The following TGFA variants were observed in gnomAD, a reference collection of about 807,000 sequenced individuals.
TGFA encodes the protein protransforming growth factor alpha.
A neutral mutation model predicts 21.7 loss-of-function variants in TGFA; 12 were observed. The ratio of observed to expected loss-of-function variants is 0.55; its 90% confidence interval spans 0.35 to 0.90. The LOEUF (loss-of-function observed/expected upper bound fraction) is 0.90, where lower values mean the gene tolerates loss of function less well. Ranked by LOEUF, TGFA falls within the 40% of genes least tolerant of loss-of-function variation. The pLI is 0.01. For missense variants in TGFA, 178 were observed against 210.8 expected (o/e 0.84, Z 0.96); for synonymous variants, 79 against 88.1 (o/e 0.90, Z 0.58).
chr2:70,532,796 A>G (rs1672852548), intron 1 of TGFA, among the ~76,000 whole-genome samples: 1 of 152,148 alleles, frequency 6.6e-6, no homozygotes, highest in Admixed American at 6.5e-5. Flanking sequence ...AACAGCCAGA[A>G]AGTGCTGTTC....
chr2:70,542,548 C>G (rs916412641), intron 1 of TGFA, among the ~76,000 whole-genome samples: 1 of 152,078 alleles, frequency 6.6e-6, no homozygotes, highest in African/African-American at 2.4e-5. Context: ...ATCAACCAAC[C>G]AACAATAAAT....
intron 3 of TGFA, among the ~76,000 whole-genome samples, chr2:70,458,458 C>A (rs555934573): frequency 1.7e-4 from 26 of 152,098 alleles, no homozygotes; most frequent in Non-Finnish European, 3.7e-4. Flanking sequence ...TCCCACCCAC[C>A]TAGGTTCCAG....
At chr2:70,547,646 A>G (rs1411770644) in intron 1 of TGFA, among the ~76,000 whole-genome samples, 4 of 149,494 alleles carry the variant, frequency 2.7e-5, no homozygotes, top group African/African-American at 9.8e-5. Context: ...GAATTCATAT[A>G]TGCTTTTAAA....
chr2:70,496,191 G>A (rs1030601308), intron 2 of TGFA, among the ~76,000 whole-genome samples: 7 of 152,064 alleles, frequency 4.6e-5, no homozygotes, highest in African/African-American at 1.7e-4. Flanking sequence ...CTTGGACACT[G>A]CTTTCCAGTT....
Position 70,450,807 on chromosome 2 carries a change from T to C in TGFA, c.*52A>G. 2.5e-6 allele frequency: 4 copies of C among 1,599,980 alleles called. No homozygotes were observed. Among genetic ancestry groups the C allele is most frequent in the Non-Finnish European group, 3.4e-6 (4 of 1,171,614 alleles). On this transcript the variant is annotated 3_prime_UTR_variant, in exon 6 of 6. Coordinates refer to ENST00000295400, the MANE Select transcript of TGFA (RefSeq NM_003236.4). ...TGGCAGTGCTGTCCTGAAGAAGCCT[T>C]TCTTTATTGATCTGCCACAGTCCAC...
chr2:70,467,042 G>T (rs1231887716), intron 2 of TGFA, among the ~76,000 whole-genome samples: 1 of 151,904 alleles, frequency 6.6e-6, no homozygotes, highest in Non-Finnish European at 1.5e-5. Context: ...TACCCTTTTG[G>T]GGGAGGGTGT....
At chr2:70,453,952 A>G (rs1312402593) in intron 4 of TGFA, among the ~76,000 whole-genome samples, 1 of 152,050 alleles carries the variant, frequency 6.6e-6, no homozygotes, top group Non-Finnish European at 1.5e-5. Context: ...CAGGGTTATA[A>G]AGGCTCCTGC....
At chr2:70,470,027 G>A (rs1279583108) in intron 2 of TGFA, among the ~76,000 whole-genome samples, 1 of 152,056 alleles carries the variant, frequency 6.6e-6, no homozygotes, top group Non-Finnish European at 1.5e-5. Context: ...CGAGAAACAA[G>A]TGTGTGTGGG....
intron 2 of TGFA, among the ~76,000 whole-genome samples, chr2:70,507,920 A>G (rs1574114985): frequency 6.6e-6 from 1 of 152,184 alleles, no homozygotes; most frequent in East Asian, 1.9e-4. Context: ...TTATCAACCT[A>G]TTTCTGTTCT....
chr2:70,475,775 C>T (rs1160772827), intron 2 of TGFA, among the ~76,000 whole-genome samples: 3 of 152,000 alleles, frequency 2.0e-5, no homozygotes, highest in African/African-American at 7.2e-5. Flanking sequence ...TGTATCCATC[C>T]AAAGATGCAC....
chr2:70,504,574 G>A (rs1671864019), intron 2 of TGFA, among the ~76,000 whole-genome samples: 1 of 145,362 alleles, frequency 6.9e-6, no homozygotes, highest in Non-Finnish European at 1.5e-5. Context: ...ATACATACAT[G>A]CATATACTCA....
chr2:70,537,186 C>T (rs1260933589), intron 1 of TGFA, among the ~76,000 whole-genome samples: 1 of 151,974 alleles, frequency 6.6e-6, no homozygotes, highest in Non-Finnish European at 1.5e-5. Flanking sequence ...TGAACCACAC[C>T]CGTAGAAGAC....
At chr2:70,530,049 T>C (rs1672769924) in intron 1 of TGFA, among the ~76,000 whole-genome samples, 1 of 152,234 alleles carries the variant, frequency 6.6e-6, no homozygotes. Flanking sequence ...CTTCCTAGGC[T>C]ATGTTCAACC....
In TGFA at chr2:70,453,098, C is replaced by T. The variant is rs993482781; in HGVS notation, c.475+120G>A. 10 of 884,972 alleles carry T rather than the reference C, an allele frequency of 1.1e-5. 1 individual carries two copies. Among genetic ancestry groups the T allele is most frequent in the South Asian group, 1.8e-5 (1 of 56,438 alleles). 54.8% of individuals were successfully genotyped at this position (884,972 alleles called of 1,614,324 possible). On this transcript the variant is annotated intron_variant, in intron 5 of 5. Transcript: ENST00000295400. ...CTAAACCTGACTTGGTAGAATGAAA[C>T]AGTCTCTTCCTTTTCTCCTCTCTTC...
At chr2:70,535,816 C>A (rs1240306906) in intron 1 of TGFA, among the ~76,000 whole-genome samples, 1 of 152,176 alleles carries the variant, frequency 6.6e-6, no homozygotes, top group African/African-American at 2.4e-5. Flanking sequence ...GAGTAAATCC[C>A]TAACTTTGAA....
chr2:70,467,133 C>T (rs7574924), intron 2 of TGFA, among the ~76,000 whole-genome samples: 26,090 of 151,972 alleles, frequency 0.17, 2,348 homozygotes, highest in African/African-American at 0.2. Flanking sequence ...CAGCAAACCA[C>T]CATGGCACAT....
rs528151165 is a variant in TGFA at position 70,493,647 on chromosome 2, A to G, written c.94+21212T>C. On this transcript the variant is annotated intron_variant, in intron 2 of 5. Transcript: ENST00000295400. ...CAACAGTGTAGCCAGCTTTTAAAAC[A>G]AATAAACTAAAATCTACTCGGCAGC... is the stretch of plus-strand genomic sequence containing the variant. 5.1e-4 allele frequency among the ~76,000 whole-genome samples: 77 copies of G among 152,314 alleles called. 1 individual carries two copies. The South Asian group carries it at 0.016, about 31-fold the overall frequency.
At chr2:70,452,291 CTT>C (rs1420371510) in intron 5 of TGFA, among the ~76,000 whole-genome samples, 1 of 152,168 alleles carries the variant, frequency 6.6e-6, no homozygotes, top group Admixed American at 6.5e-5. Flanking sequence ...CGGTGTGAGA[CTT>C]TTCCAGCCCT....
intron 3 of TGFA, among the ~76,000 whole-genome samples, chr2:70,457,563 A>C (rs1553490786): frequency 7.0e-6 from 1 of 143,394 alleles, no homozygotes; most frequent in Non-Finnish European, 1.5e-5. Flanking sequence ...TTTTTTTGAG[A>C]TGGAGTCTCA....
Sources: allele counts gnomAD v4.1 joint callset (sites outside exome capture counted in the v4.1 genomes callset), GRCh38; gene constraint gnomAD v4.1.1; transcripts MANE v1.5; gene names NCBI Gene and HGNC (gene_info 2026-07-23, HGNC 2026-07-21).